The following LOC400499 variants were observed in gnomAD, a reference collection of about 807,000 sequenced individuals.
At chr16:11,451,291 A>T in the LOC400499 span, among the ~76,000 whole-genome samples, 1 of 152,232 alleles carries the variant, frequency 6.6e-6, no homozygotes, top group South Asian at 2.1e-4. Context: ...ATAATAAAAC[A>T]TTGGAAGGTC....
At chr16:11,464,202 GCA>G in the LOC400499 span, among the ~76,000 whole-genome samples, 5 of 152,204 alleles carry the variant, frequency 3.3e-5, no homozygotes, top group Non-Finnish European at 5.9e-5. Context: ...GTATGTGTGT[GCA>G]CACACGAATA....
the LOC400499 span, among the ~76,000 whole-genome samples, chr16:11,465,887 C>A: frequency 0.46 from 67,386 of 147,286 alleles, 15,916 homozygotes; most frequent in Non-Finnish European, 0.5. Flanking sequence ...AAAGACAGGG[C>A]GAGAAAGGAA....
At chr16:11,393,725 G>T in the LOC400499 span, among the ~76,000 whole-genome samples, 1,392 of 152,164 alleles carry the variant, frequency 9.1e-3, 22 homozygotes, top group African/African-American at 0.032. Context: ...AGGGCACCAG[G>T]TTCCCCACGC....
chr16:11,489,052 G>A, the LOC400499 span, among the ~76,000 whole-genome samples: 413 of 152,312 alleles, frequency 2.7e-3, 1 homozygote, highest in African/African-American at 8.7e-3. Context: ...AGTCGTGCCT[G>A]AACAGAACTT....
the LOC400499 span, among the ~76,000 whole-genome samples, chr16:11,452,851 T>C: frequency 6.6e-6 from 1 of 152,202 alleles, no homozygotes; most frequent in African/African-American, 2.4e-5. Flanking sequence ...CCTCAACTCT[T>C]CAATTTCAGA....
chr16:11,511,474 G>GC, the LOC400499 span, among the ~76,000 whole-genome samples: 1 of 151,926 alleles, frequency 6.6e-6, no homozygotes, highest in East Asian at 1.9e-4. Flanking sequence ...GTGAAAATAT[G>GC]AAAAAATTCC....
chr16:11,420,283 T>C, the LOC400499 span, among the ~76,000 whole-genome samples: 1 of 152,048 alleles, frequency 6.6e-6, no homozygotes. Context: ...GATGAGTTCA[T>C]GTCCTTTGTA....
chr16:11,383,853 C>T, the LOC400499 span: 56 of 1,232,086 alleles, frequency 4.5e-5, 1 homozygote, highest in African/African-American at 7.0e-4. Flanking sequence ...GACAAAGGGC[C>T]TTCTGCACCC....
At chr16:11,460,455 C>T in the LOC400499 span, 30 of 1,510,248 alleles carry the variant, frequency 2.0e-5, no homozygotes, top group South Asian at 4.9e-5. Context: ...CTCCGGATGT[C>T]GCACCTGGCC....
At chr16:11,513,169 C>A in the LOC400499 span, among the ~76,000 whole-genome samples, 3 of 151,968 alleles carry the variant, frequency 2.0e-5, no homozygotes, top group African/African-American at 4.8e-5. Context: ...TTTGGGAGGG[C>A]GAGGTGGAAG....
At chr16:11,399,789 T>G in the LOC400499 span, 2 of 398,768 alleles carry the variant, frequency 5.0e-6, no homozygotes, top group Admixed American at 4.4e-5. Context: ...GCGTCGCAGG[T>G]TGTCCTCTGT....
chr16:11,488,522 C>A, the LOC400499 span, among the ~76,000 whole-genome samples: 1 of 152,088 alleles, frequency 6.6e-6, no homozygotes, highest in Admixed American at 6.5e-5. Context: ...TGGGCTCAAG[C>A]AATCCTCCTG....
the LOC400499 span, among the ~76,000 whole-genome samples, chr16:11,427,321 C>A: frequency 1.5e-5 from 2 of 135,560 alleles, no homozygotes; most frequent in African/African-American, 5.5e-5. Context: ...GCACTCCAGC[C>A]TGGGCAACAA....
the LOC400499 span, among the ~76,000 whole-genome samples, chr16:11,502,613 T>C: frequency 8.2e-4 from 125 of 151,782 alleles, no homozygotes; most frequent in South Asian, 9.8e-3. Context: ...ATAATATACA[T>C]ACTCTTTTTT....
the LOC400499 span, chr16:11,423,349 C>A: frequency 5.0e-6 from 2 of 398,536 alleles, no homozygotes; most frequent in Non-Finnish European, 8.9e-6. Context: ...ACCCCGCCAC[C>A]CTTTGGGGAA....
the LOC400499 span, among the ~76,000 whole-genome samples, chr16:11,414,872 A>G: frequency 4.6e-5 from 7 of 152,292 alleles, no homozygotes; most frequent in Non-Finnish European, 8.8e-5. Context: ...GGTTTCCAGC[A>G]CAACCTGAAA....
the LOC400499 span, among the ~76,000 whole-genome samples, chr16:11,405,367 T>C: frequency 1.6e-4 from 24 of 152,168 alleles, 1 homozygote; most frequent in Non-Finnish European, 3.1e-4. Flanking sequence ...CAAGACCTGG[T>C]CCTGGCCCTT....
chr16:11,423,566 T>C, the LOC400499 span, among the ~76,000 whole-genome samples: 4 of 152,126 alleles, frequency 2.6e-5, no homozygotes, highest in African/African-American at 9.7e-5. Flanking sequence ...AGAGGAAGCA[T>C]CTTGCATGTG....
At chr16:11,401,358 G>A in the LOC400499 span, 17 of 399,532 alleles carry the variant, frequency 4.3e-5, no homozygotes, top group African/African-American at 1.0e-4. Context: ...AGGGCCAGGC[G>A]GGCGGCCAGC....
Sources: allele counts gnomAD v4.1 joint callset (sites outside exome capture counted in the v4.1 genomes callset), GRCh38; gene constraint gnomAD v4.1.1; transcripts MANE v1.5.